Variants in PDLIM7 observed in about 807,000 individuals in gnomAD.
PDLIM7 encodes the protein PDZ and LIM domain 7.
In PDLIM7, 37 loss-of-function variants were observed where a neutral mutation model predicts 53.9. That is an observed-to-expected ratio of 0.69 (90% CI 0.53 to 0.90). The LOEUF (loss-of-function observed/expected upper bound fraction) is 0.90. Among genes scored for constraint, PDLIM7 ranks in the 40% least tolerant of loss-of-function variants. The pLI is 0.00. For synonymous variants in PDLIM7, 300 were observed against 261.3 expected, an observed-to-expected ratio of 1.15 and a Z score of -1.43; for missense variants, 617 against 638.5, an observed-to-expected ratio of 0.97 and a Z score of 0.36.
intron 1 of PDLIM7, chr5:177,496,832 C>G (rs368236506): frequency 2.4e-3 from 473 of 198,224 alleles, no homozygotes; most frequent in African/African-American, 3.1e-3. Flanking sequence ...CGGCCTCCCC[C>G]CAAGCCAGCC....
At chr5:177,494,527 G>T (rs1212538963) in intron 2 of PDLIM7, among the ~76,000 whole-genome samples, 1 of 140,840 alleles carries the variant, frequency 7.1e-6, no homozygotes, top group Non-Finnish European at 1.5e-5. Flanking sequence ...CGAGGTGGGG[G>T]TCTTGGGGTG....
intron 10 of PDLIM7, among the ~76,000 whole-genome samples, chr5:177,487,148 G>A (rs1415724227): frequency 6.6e-6 from 1 of 151,628 alleles, no homozygotes; most frequent in Non-Finnish European, 1.5e-5. Flanking sequence ...GGCCAGGCTG[G>A]TCTTGAACTC....
intron 10 of PDLIM7, among the ~76,000 whole-genome samples, chr5:177,485,610 G>A (rs375550030): frequency 3.3e-5 from 5 of 152,214 alleles, no homozygotes; most frequent in Admixed American, 6.5e-5. Flanking sequence ...TGTGTCACAC[G>A]GAGGAGGACC....
In PDLIM7 at chr5:177,484,002, GAA is replaced by G. The variant is rs781121738; in HGVS notation, c.1172-22_1172-21del. 18 of 1,613,512 alleles carry G rather than the reference GAA, an allele frequency of 1.1e-5. No homozygotes were observed. Among genetic ancestry groups the G allele is most frequent in the Non-Finnish European group, 1.5e-5 (18 of 1,179,680 alleles). ...CATAGTCTGAGAATGGGGGCAGAGA[GAA>G]AGAGGACCTGGATTCATGCCTGCCC... On this transcript the variant is annotated intron_variant, in intron 11 of 12. Coordinates refer to ENST00000355841, the MANE Select transcript of PDLIM7 (RefSeq NM_005451.5).
intron 10 of PDLIM7, chr5:177,484,572 T>C: frequency 4.4e-6 from 1 of 225,408 alleles, no homozygotes; most frequent in South Asian, 5.9e-5. Flanking sequence ...AGATTCTGAG[T>C]GCTTCTCACA....
At chr5:177,489,907 C>T (rs750853073) in intron 7 of PDLIM7, 75 bp from the exon 8 acceptor site, 1 of 1,542,266 alleles carries the variant, frequency 6.5e-7, no homozygotes. Context: ...CTGGGTCCTG[C>T]TGGCCCCACG....
chr5:177,487,916 T>C (rs943161654), intron 10 of PDLIM7, 152 bp downstream of exon 10: 1 of 608,066 alleles, frequency 1.6e-6, no homozygotes, highest in Non-Finnish European at 2.7e-6. Flanking sequence ...TCCTGACTAA[T>C]GCAGGGTGAG....
intron 1 of PDLIM7, chr5:177,496,817 T>C (rs1179396374): frequency 4.8e-6 from 1 of 207,642 alleles, no homozygotes; most frequent in Non-Finnish European, 9.7e-6. Flanking sequence ...GGGACTAAAC[T>C]GGCGCGGCCT....
intron 2 of PDLIM7, among the ~76,000 whole-genome samples, chr5:177,495,317 G>A (rs148526730): frequency 5.1e-4 from 78 of 152,246 alleles, no homozygotes; most frequent in Non-Finnish European, 1.0e-3. Flanking sequence ...ACAGACTCCA[G>A]CTTGAGCCCC....
chr5:177,492,828 T>TAA, intron 2 of PDLIM7, 151 bp from the exon 3 acceptor site: 2 of 770,040 alleles, frequency 2.6e-6, no homozygotes, highest in Non-Finnish European at 4.1e-6. Flanking sequence ...TGCTGGACAC[T>TAA]AAAGCAACCC....
chr5:177,491,951 G>T, intron 4 of PDLIM7, 26 bp from the exon 5 acceptor site: 1 of 898,882 alleles, frequency 1.1e-6, no homozygotes, highest in Non-Finnish European at 1.5e-6. Flanking sequence ...GCCGGGCAGG[G>T]CGGGCGGGCA....
intron 7 of PDLIM7, 48 bp downstream of exon 7, chr5:177,490,822 A>C (rs1372737433): frequency 6.2e-7 from 1 of 1,605,638 alleles, no homozygotes; most frequent in South Asian, 1.1e-5. Context: ...CAGTAGCTGG[A>C]ATGGAAGAGG....
Position 177,496,870 on chromosome 5 carries a change from G to A in PDLIM7, c.-11-347C>T, listed in dbSNP as rs189403002. On this transcript the variant is annotated intron_variant, in intron 1 of 12. Coordinates refer to ENST00000355841, the MANE Select transcript of PDLIM7 (RefSeq NM_005451.5). ...GAGCCTCGGGCGGCCGGGTGAGTCA[G>A]GGGCCGGCTCTCCTCTCCCCCGCCC... is the stretch of plus-strand genomic sequence containing the variant. The A allele has an allele frequency of 7.9e-3, 1,363 of 172,546 alleles. 17 individuals are homozygous for A. Among genetic ancestry groups the A allele is most frequent in the African/African-American group, 0.03 (1,268 of 42,050 alleles). 10.7% of individuals were successfully genotyped at this position (172,546 alleles called of 1,614,324 possible).
intron 10 of PDLIM7, among the ~76,000 whole-genome samples, chr5:177,485,640 C>G (rs983462506): frequency 6.6e-6 from 1 of 152,210 alleles, no homozygotes; most frequent in African/African-American, 2.4e-5. Flanking sequence ...GGGAGCAGTA[C>G]TACTGGTTCA....
At chr5:177,492,876 C>T (rs947549592) in intron 2 of PDLIM7, 199 bp from the exon 3 acceptor site, 5 of 589,496 alleles carry the variant, frequency 8.5e-6, no homozygotes, top group Non-Finnish European at 1.5e-5. Flanking sequence ...CACAATTTCC[C>T]AGTCACACTG....
At chr5:177,488,720 G>A (rs1431949604) in intron 9 of PDLIM7, among the ~76,000 whole-genome samples, 1 of 152,114 alleles carries the variant, frequency 6.6e-6, no homozygotes, top group African/African-American at 2.4e-5. Context: ...GTAAAACCCC[G>A]TCTCTACTAA....
In PDLIM7 at chr5:177,491,067, C is replaced by T. The variant is rs912277968; in HGVS notation, c.478G>A (p.Gly160Arg). The change falls in exon 6 of 13, where the codon GGG becomes AGG. Residue 160 changes from glycine (G) to arginine (R), a missense_variant. By Grantham distance (125) the Gly-to-Arg change is moderately radical. Coordinates refer to ENST00000355841, the MANE Select transcript of PDLIM7 (RefSeq NM_005451.5). ...ENTEDWRPRP[G>R]TGQSRSFRIL... ...CGGAAGGAACGCGACTGGCCTGTCC[C>T]CGGCCGCGGCCGCCAGTCCTCTGTG... is the stretch of plus-strand genomic sequence containing the variant. 8 of 1,610,466 alleles carry T rather than the reference C, an allele frequency of 5.0e-6. No individual in the cohort carries two copies. The South Asian group carries it at 7.7e-5, about 16-fold the overall frequency.
intron 1 of PDLIM7, among the ~76,000 whole-genome samples, chr5:177,497,244 A>G (rs889228864): frequency 1.3e-5 from 2 of 151,866 alleles, no homozygotes; most frequent in African/African-American, 4.8e-5. Flanking sequence ...GGTGCCTCCC[A>G]CACAGAACTG....
At chr5:177,487,302 T>C (rs1297496076) in intron 10 of PDLIM7, among the ~76,000 whole-genome samples, 9 of 152,224 alleles carry the variant, frequency 5.9e-5, no homozygotes, top group Non-Finnish European at 8.8e-5. Context: ...ATAAAGACTA[T>C]ATTTCCCAGC....
Sources: gnomAD v4.1 joint callset for allele counts (sites outside exome capture counted in the v4.1 genomes callset) on GRCh38, gnomAD v4.1.1 for gene constraint, MANE v1.5 for transcripts, NCBI Gene and HGNC (gene_info 2026-07-23, HGNC 2026-07-21) for gene names.